The following ACTN1 variants were observed in gnomAD, a reference collection of about 807,000 sequenced individuals.
ACTN1 encodes the protein actinin alpha 1, also known as alpha-actinin-1.
In ACTN1, 30 loss-of-function variants were observed where a neutral mutation model predicts 119.6. That is an observed-to-expected ratio of 0.25 (90% CI 0.19 to 0.34). The LOEUF (loss-of-function observed/expected upper bound fraction) is 0.34. Among genes scored for constraint, ACTN1 ranks in the 10% least tolerant of loss-of-function variants. The pLI, the probability that ACTN1 is intolerant of heterozygous loss-of-function variation, is 1.00. For missense variants in ACTN1, 764 were observed against 1,223.4 expected (o/e 0.62, Z 5.60); for synonymous variants, 429 against 472.6 (o/e 0.91, Z 1.20).
chr14:68,877,022 A>G, intron 21 of ACTN1, 60 bp downstream of exon 21: 1 of 1,592,702 alleles, frequency 6.3e-7, no homozygotes, highest in Non-Finnish European at 8.6e-7. Flanking sequence ...TCACCCCTTT[A>G]GATCACAGTC....
chr14:68,942,728 AC>A (rs2035804524), intron 1 of ACTN1, among the ~76,000 whole-genome samples: 1 of 152,178 alleles, frequency 6.6e-6, no homozygotes, highest in South Asian at 2.1e-4. Context: ...TTAGGGGGTA[AC>A]TCAGCAGCGT....
At chr14:68,933,134 T>A (rs75361867) in intron 1 of ACTN1, among the ~76,000 whole-genome samples, 115 of 151,882 alleles carry the variant, frequency 7.6e-4, no homozygotes, top group Non-Finnish European at 1.4e-3. Flanking sequence ...TTGTATTTTT[T>A]TTATTATTAT....
chr14:68,965,550 C>T (rs1161405908), intron 1 of ACTN1, among the ~76,000 whole-genome samples: 1 of 152,210 alleles, frequency 6.6e-6, no homozygotes, highest in Admixed American at 6.5e-5. Context: ...AGCATCCCCA[C>T]CCCCAGACAC....
At chr14:68,937,258 T>G (rs1298091166) in intron 1 of ACTN1, among the ~76,000 whole-genome samples, 1 of 151,944 alleles carries the variant, frequency 6.6e-6, no homozygotes, top group Non-Finnish European at 1.5e-5. Flanking sequence ...AAAAGAAAAG[T>G]CTGTCTGGGA....
intron 11 of ACTN1, chr14:68,887,041 C>T (rs2032076441): frequency 6.1e-6 from 1 of 164,090 alleles, no homozygotes; most frequent in African/African-American, 2.4e-5. Context: ...AATTTGTACA[C>T]AATTCTTAAC....
chr14:68,936,570 G>A (rs2035527636), intron 1 of ACTN1: 1 of 496,504 alleles, frequency 2.0e-6, no homozygotes, highest in Non-Finnish European at 3.8e-6. Flanking sequence ...AACTGTTACG[G>A]GAATTGAAGC....
chr14:68,949,489 G>A (rs2036058551), intron 1 of ACTN1, among the ~76,000 whole-genome samples: 1 of 152,232 alleles, frequency 6.6e-6, no homozygotes. Flanking sequence ...GCTGGCAGGG[G>A]GAAGGGGTGG....
In ACTN1 at chr14:68,891,907, G is replaced by C. The variant is rs545596583; in HGVS notation, c.1086+146C>G. The C allele has an allele frequency of 1.4e-5, 15 of 1,089,972 alleles. No individual in the cohort carries two copies. The African/African-American group carries it at 1.9e-4, about 14-fold the overall frequency. 67.5% of individuals were successfully genotyped at this position (1,089,972 alleles called of 1,614,324 possible). On this transcript the variant is annotated intron_variant, in intron 10 of 21. Transcript: ENST00000394419. ...TTGAGCCTGGGTGGTAACTGGAAGG[G>C]GGAAGTGACTTCTGGAGCAGTGTAT...
At chr14:68,931,879 G>A (rs765033971) in intron 1 of ACTN1, among the ~76,000 whole-genome samples, 1 of 152,148 alleles carries the variant, frequency 6.6e-6, no homozygotes, top group African/African-American at 2.4e-5. Flanking sequence ...TGAAGGCAGG[G>A]CTCGGCAAGG....
chr14:68,954,414 G>A (rs762974854), intron 1 of ACTN1, among the ~76,000 whole-genome samples: 2 of 151,986 alleles, frequency 1.3e-5, no homozygotes, highest in South Asian at 2.1e-4. Context: ...TGCAACCTCC[G>A]CCTTCCAGTT....
At chr14:68,921,681 C>T (rs893231906) in intron 2 of ACTN1, among the ~76,000 whole-genome samples, 1 of 152,074 alleles carries the variant, frequency 6.6e-6, no homozygotes, top group African/African-American at 2.4e-5. Flanking sequence ...ATGCAAAGGC[C>T]CTGAACTCCT....
intron 7 of ACTN1, among the ~76,000 whole-genome samples, chr14:68,904,351 A>G (rs909076110): frequency 3.6e-4 from 55 of 152,202 alleles, no homozygotes; most frequent in African/African-American, 1.3e-3. Context: ...CAACAAGGGC[A>G]CATTTCCCCA....
chr14:68,899,842 T>C lies in ACTN1; in HGVS notation c.762+2635A>G, dbSNP rs565020327. 8.9e-4 allele frequency among the ~76,000 whole-genome samples: 135 copies of C among 152,298 alleles called. 1 individual carries two copies. The highest frequency in any genetic ancestry group is 3.4e-3 in the Middle Eastern group (1 of 294). On this transcript the variant is annotated intron_variant, in intron 8 of 21. Transcript: ENST00000394419. Reference sequence around the variant, plus strand: ...AAAGACCATAGCAGAGAGCTCAGCCTGACCACGGACACGGGCAGGTGCACA... The same window carrying C: ...AAAGACCATAGCAGAGAGCTCAGCCCGACCACGGACACGGGCAGGTGCACA...
intron 3 of ACTN1, among the ~76,000 whole-genome samples, chr14:68,915,182 A>T (rs1353674811): frequency 6.6e-6 from 1 of 152,126 alleles, no homozygotes; most frequent in Non-Finnish European, 1.5e-5. Flanking sequence ...CCTCCCTGAG[A>T]GTCAAAGCCA....
chr14:68,964,919 G>A (rs752029555), intron 1 of ACTN1, among the ~76,000 whole-genome samples: 2 of 152,114 alleles, frequency 1.3e-5, no homozygotes, highest in Non-Finnish European at 2.9e-5. Context: ...GCCCGCATGT[G>A]GATCACTACC....
At chr14:68,930,646 C>A (rs1396244288) in intron 1 of ACTN1, among the ~76,000 whole-genome samples, 1 of 152,172 alleles carries the variant, frequency 6.6e-6, no homozygotes, top group African/African-American at 2.4e-5. Flanking sequence ...AAGAAGACTG[C>A]AAATCCAGGC....
chr14:68,888,870 AT>A (rs1594766254), intron 11 of ACTN1, among the ~76,000 whole-genome samples: 1 of 152,156 alleles, frequency 6.6e-6, no homozygotes, highest in East Asian at 1.9e-4. Flanking sequence ...TCCCCACTGC[AT>A]GGAAAAACTG....
In ACTN1 at chr14:68,925,812, T is replaced by G; in HGVS notation, c.106-140A>C. On this transcript the variant is annotated intron_variant, in intron 1 of 21. Coordinates refer to ENST00000394419, the MANE Select transcript of ACTN1 (RefSeq NM_001130004.2). The surrounding 1 kb of genome is among the most constrained non-coding windows in gnomAD (Gnocchi z 4.3). Reference sequence around the variant, plus strand: ...TCAACACAGTTGCCCCACCATGGTCTCATTCACTGCATCAACCAAGCACTG... The same window carrying G: ...TCAACACAGTTGCCCCACCATGGTCGCATTCACTGCATCAACCAAGCACTG... 1.7e-6 allele frequency: 1 copy of G among 605,386 alleles called. No individual in the cohort carries two copies. Among genetic ancestry groups the G allele is most frequent in the Non-Finnish European group, 2.9e-6 (1 of 348,060 alleles). 37.5% of individuals were successfully genotyped at this position (605,386 alleles called of 1,614,324 possible).
At chr14:68,930,063 T>G (rs1198705217) in intron 1 of ACTN1, among the ~76,000 whole-genome samples, 4 of 152,256 alleles carry the variant, frequency 2.6e-5, no homozygotes, top group Non-Finnish European at 4.4e-5. Flanking sequence ...CGTCACATCT[T>G]TCACAATTAT....
Sources: allele counts gnomAD v4.1 joint callset (sites outside exome capture counted in the v4.1 genomes callset), GRCh38; gene constraint gnomAD v4.1.1; non-coding constraint Gnocchi (gnomAD v3.1); transcripts MANE v1.5; gene names NCBI Gene and HGNC (gene_info 2026-07-23, HGNC 2026-07-21).